PDE1C: variants seen among roughly 807,000 people sequenced by gnomAD.
PDE1C encodes the protein phosphodiesterase 1C, also known as dual specificity calcium/calmodulin-dependent 3',5'-cyclic nucleotide phosphodiesterase 1C.
PDE1C carries 62 observed loss-of-function variants against 93.1 expected under a neutral mutation model. That is an observed-to-expected ratio of 0.67 (90% CI 0.54 to 0.82). PDE1C has a LOEUF of 0.82. Among genes scored for constraint, PDE1C ranks in the 40% least tolerant of loss-of-function variants. The probability of loss-of-function intolerance (pLI) is 0.00; values close to 1 mark genes in which losing one functional copy is unlikely to be tolerated. For synonymous variants in PDE1C, 325 were observed against 310.1 expected (o/e 1.05, Z -0.50); for missense variants, 742 against 884.6 (o/e 0.84, Z 2.04).
intron 2 of PDE1C, among the ~76,000 whole-genome samples, chr7:32,183,741 G>A (rs2128814352): frequency 6.6e-6 from 1 of 152,276 alleles, no homozygotes; most frequent in African/African-American, 2.4e-5. Flanking sequence ...ATAGGCATGG[G>A]CAAGGACTTC....
the PDE1C span, among the ~76,000 whole-genome samples, chr7:31,676,328 T>G: frequency 2.0e-4 from 31 of 151,832 alleles, no homozygotes; most frequent in East Asian, 4.6e-3. Context: ...ATAAAGAAAA[T>G]CTCAATAGAT....
At chr7:32,311,781 A>G (rs1348147755) in intron 1 of PDE1C, among the ~76,000 whole-genome samples, 2 of 152,200 alleles carry the variant, frequency 1.3e-5, no homozygotes, top group Non-Finnish European at 2.9e-5. Context: ...ATCTATGATA[A>G]ACCCACAGCC....
intron 2 of PDE1C, among the ~76,000 whole-genome samples, chr7:31,953,732 T>C (rs1176305175): frequency 6.6e-6 from 1 of 152,082 alleles, no homozygotes; most frequent in Non-Finnish European, 1.5e-5. Context: ...CAAGCCTCTG[T>C]TTTGAGATCC....
At chr7:32,234,114 A>C (rs555658461) in intron 1 of PDE1C, among the ~76,000 whole-genome samples, 1 of 152,028 alleles carries the variant, frequency 6.6e-6, no homozygotes, top group Non-Finnish European at 1.5e-5. Flanking sequence ...AAAAATAAAA[A>C]TGCAATTTAT....
chr7:31,810,428 C>T (rs1350095636), intron 15 of PDE1C, among the ~76,000 whole-genome samples: 1 of 152,064 alleles, frequency 6.6e-6, no homozygotes, highest in African/African-American at 2.4e-5. Flanking sequence ...ATGCTAAATG[C>T]TTTGCATGCA....
chr7:32,420,110 T>TATATATATATATAC lies in PDE1C; in HGVS notation c.310+7711_310+7712insGTATATATATATAT, dbSNP rs1554320678. Among the ~76,000 whole-genome samples, 26 of 23,640 alleles carry TATATATATATATAC rather than the reference T, an allele frequency of 1.1e-3. 4 individuals are homozygous for TATATATATATATAC. The highest frequency in any genetic ancestry group is 2.1e-3 in the Non-Finnish European group (24 of 11,400). The allele number at this position is 23,640 out of a possible 152,430, so 15.5% of individuals were successfully genotyped here. On this transcript the variant is annotated intron_variant, in intron 1 of 1. Coordinates refer to the PDE1C transcript ENST00000672256. ...GTGGTGGCATATATATATATATATA[T>TATATATATATATAC]ATATATATATATATACACACACACA...
At chr7:31,903,436 A>G (rs1336994777) in intron 2 of PDE1C, among the ~76,000 whole-genome samples, 9 of 152,044 alleles carry the variant, frequency 5.9e-5, no homozygotes, top group Admixed American at 5.9e-4. Context: ...CCTTAAGAAC[A>G]ATGCTAATAA....
rs75077386 is a variant in PDE1C, at chr7:32,004,028, C to A, written c.128+47526G>T. Among the ~76,000 whole-genome samples, 13 of 152,292 alleles carry A rather than the reference C, an allele frequency of 8.5e-5. No individual in the cohort carries two copies. In the East Asian group the frequency reaches 2.5e-3, roughly 29 times the overall value. ...CTGTATGGAATGTAACGTGGCTGCT[C>A]TGTACGTGTTCATGTGGAGCTCTGT... On this transcript the variant is annotated intron_variant, in intron 2 of 17. Coordinates refer to ENST00000396191, the MANE Select transcript of PDE1C (RefSeq NM_001191057.4).
chr7:31,643,769 C>T, the PDE1C span: 2 of 1,614,036 alleles, frequency 1.2e-6, no homozygotes, highest in South Asian at 1.1e-5. Flanking sequence ...ACCTGCCATG[C>T]TATACCTGCC....
At chr7:31,880,645 T>C (rs1166795508) in intron 3 of PDE1C, 102 bp downstream of exon 3, 1 of 687,942 alleles carries the variant, frequency 1.5e-6, no homozygotes, top group Non-Finnish European at 2.5e-6. Context: ...ATGAGTAATT[T>C]GAATGTCACC....
At chr7:32,360,282 T>C (rs928506194) in intron 1 of PDE1C, among the ~76,000 whole-genome samples, 3 of 152,206 alleles carry the variant, frequency 2.0e-5, no homozygotes, top group African/African-American at 7.2e-5. Flanking sequence ...AAAACATGAT[T>C]AGTAAGATGA....
chr7:31,670,703 T>C, the PDE1C span, among the ~76,000 whole-genome samples: 9 of 152,134 alleles, frequency 5.9e-5, no homozygotes, highest in Admixed American at 4.6e-4. Flanking sequence ...AGAGAGCAGG[T>C]TCCTGGCAAG....
At chr7:32,377,501 A>T (rs1784453171) in intron 1 of PDE1C, among the ~76,000 whole-genome samples, 2 of 152,276 alleles carry the variant, frequency 1.3e-5, no homozygotes, top group South Asian at 4.1e-4. Context: ...GTATCTCTTT[A>T]TAGTTGCTTT....
chr7:31,885,201 G>A (rs1797722618), intron 2 of PDE1C, among the ~76,000 whole-genome samples: 1 of 152,086 alleles, frequency 6.6e-6, no homozygotes, highest in Non-Finnish European at 1.5e-5. Flanking sequence ...TACAAGGAAG[G>A]AAGATAAAGA....
At chr7:32,079,926 C>T (rs1796564910) in intron 3 of PDE1C, among the ~76,000 whole-genome samples, 2 of 152,140 alleles carry the variant, frequency 1.3e-5, no homozygotes, top group South Asian at 4.1e-4. Flanking sequence ...TACTTGCAGC[C>T]ATCTTTAATA....
chr7:32,040,236 TC>T (rs1791633045), intron 2 of PDE1C, among the ~76,000 whole-genome samples: 2 of 152,220 alleles, frequency 1.3e-5, no homozygotes, highest in African/African-American at 2.4e-5. Context: ...AATCTTTATC[TC>T]TTTTAACCCT....
the PDE1C span, among the ~76,000 whole-genome samples, chr7:31,645,991 T>C: frequency 1.3e-5 from 2 of 152,096 alleles, no homozygotes; most frequent in African/African-American, 2.4e-5. Flanking sequence ...TGAGAGGCCG[T>C]ATGGGGGAAA....
Position 32,128,936 on chromosome 7 carries a change from TATATATATATATATATAA to T in PDE1C, c.308+40831_308+40848del, listed in dbSNP as rs1409892875. Among the ~76,000 whole-genome samples the T allele has an allele frequency of 1.2e-3, 114 of 94,864 alleles. 1 individual carries two copies. Among genetic ancestry groups the T allele is most frequent in the East Asian group, 4.2e-3 (12 of 2,850 alleles). 62.2% of individuals were successfully genotyped at this position (94,864 alleles called of 152,430 possible). On this transcript the variant is annotated intron_variant, in intron 3 of 18. Transcript: ENST00000396193. ...ATATATATATATATATATATATATA[TATATATATATATATATAA>T]AGAAAAATCTAAAAAAAACAGAAAA... is the stretch of plus-strand genomic sequence containing the variant.
In PDE1C at chr7:31,817,268, C is replaced by T. The variant is rs79343028; in HGVS notation, c.1583-1114G>A. Among the ~76,000 whole-genome samples, 66 of 152,148 alleles carry T rather than the reference C, an allele frequency of 4.3e-4. 1 individual carries two copies. In the East Asian group the frequency reaches 0.011, roughly 26 times the overall value. ...CAAGTCCTAAATGATGAAGAGCTGG[C>T]CATGCAATAATCTGGACAAATAGTA... On this transcript the variant is annotated intron_variant, in intron 14 of 17. Transcript: ENST00000396191.
Sources: allele counts gnomAD v4.1 joint callset (sites outside exome capture counted in the v4.1 genomes callset), GRCh38; gene constraint gnomAD v4.1.1; transcripts MANE v1.5; gene names NCBI Gene and HGNC (gene_info 2026-07-23, HGNC 2026-07-21).